The following SPEG variants were observed in gnomAD, a reference collection of about 807,000 sequenced individuals.
SPEG encodes the protein striated muscle enriched protein kinase, also known as striated muscle preferentially expressed protein kinase.
Under a neutral mutation model 300.4 loss-of-function variants are expected in SPEG, and 114 were observed. The ratio of observed to expected loss-of-function variants is 0.38; its 90% confidence interval spans 0.33 to 0.44. The LOEUF is 0.44. Among genes scored for constraint, SPEG ranks in the 20% least tolerant of loss-of-function variants. SPEG has a pLI of 1.00. For missense variants in SPEG, 4,201 were observed against 4,586.2 expected, an observed-to-expected ratio of 0.92 and a Z score of 2.43; for synonymous variants, 1,964 against 2,018.9, an observed-to-expected ratio of 0.97 and a Z score of 0.73.
rs1299910178 is a variant in SPEG at position 219,448,568 on chromosome 2, C to T, written c.1410C>T (p.Phe470=). ...GCGTGGCCGAGCGGCGCCGCCTGTT[C>T]CAGCAGAAAGCGGCCTCGCTGGACG... The part of the protein sequence containing the change: ...PGSVAERRRL[F]QQKAASLDER... Residue 470 remains phenylalanine (F), a synonymous_variant, in exon 4 of 41, where the codon TTC becomes TTT. Coordinates refer to ENST00000312358, the MANE Select transcript of SPEG (RefSeq NM_005876.5). 2 of 1,452,288 alleles carry T rather than the reference C, an allele frequency of 1.4e-6. No homozygotes were observed. The highest frequency in any genetic ancestry group is 2.7e-5 in the South Asian group (2 of 73,684). The allele number at this position is 1,452,288 out of a possible 1,614,324, so 90.0% of individuals were successfully genotyped here.
At chr2:219,449,398 G>A in intron 4 of SPEG, 127 bp downstream of exon 4, 1 of 730,094 alleles carries the variant, frequency 1.4e-6, no homozygotes, top group East Asian at 3.4e-5. Context: ...CAGCTGCAAG[G>A]GTGGGTTTGC....
intron 6 of SPEG, among the ~76,000 whole-genome samples, chr2:219,455,471 T>C (rs181338038): frequency 7.9e-5 from 12 of 152,300 alleles, no homozygotes; most frequent in Admixed American, 6.5e-4. Context: ...TAAATTTAAT[T>C]TCATTTTAAT....
chr2:219,484,077 C>T lies in SPEG; in HGVS notation c.6614C>T (p.Pro2205Leu). Residue 2205 changes from proline (P) to leucine (L), a missense_variant, in exon 30 of 41, where the codon CCC becomes CTC. Pro to Leu is a moderately conservative substitution (Grantham distance 98, BLOSUM62 -3). Coordinates refer to ENST00000312358, the MANE Select transcript of SPEG (RefSeq NM_005876.5). Reference protein sequence around the residue: ...SATTPSDAPQPPAPQPAQDKA... With the variant: ...SATTPSDAPQLPAPQPAQDKA... The stretch of plus-strand genomic sequence containing the variant: ...ACCACACCTAGTGATGCTCCGCAGC[C>T]CCCCGCACCCCAGCCTGCCCAAGAC... 6.2e-7 allele frequency: 1 copy of T among 1,613,718 alleles called. No homozygotes were observed. The highest frequency in any genetic ancestry group is 8.5e-7 in the Non-Finnish European group (1 of 1,179,960).
chr2:219,463,879 T>A (rs1690991643), intron 8 of SPEG, among the ~76,000 whole-genome samples: 2 of 152,018 alleles, frequency 1.3e-5, no homozygotes. Flanking sequence ...CCCAGCACTT[T>A]GGGAAGCCAA....
At chr2:219,462,687 G>A (rs529556167) in intron 8 of SPEG, among the ~76,000 whole-genome samples, 4 of 152,360 alleles carry the variant, frequency 2.6e-5, no homozygotes, top group East Asian at 1.9e-4. Flanking sequence ...GAGGTGAGGC[G>A]AATGGATCAC....
chr2:219,488,814 A>G lies in SPEG; in HGVS notation c.8063A>G (p.Gln2688Arg). The change falls in exon 34 of 41, where the codon CAG (glutamine) becomes CGG (arginine). Residue 2688 changes from glutamine (Q) to arginine (R), a missense_variant. Around this residue, in one of 4 missense-constraint regions of SPEG, gnomAD observed 1,578 missense variants for 1,506.0 expected, o/e 1.05. Coordinates refer to ENST00000312358, the MANE Select transcript of SPEG (RefSeq NM_005876.5). ...AAGCTAGCTCCTCCAGAGGTACCCC[A>G]GACCTACCAGGACACGGCGCTGGTG... Reference protein sequence around the residue: ...PGKLAPPEVPQTYQDTALVLW... With the variant: ...PGKLAPPEVPRTYQDTALVLW... 1 of 1,598,394 alleles carries G rather than the reference A, an allele frequency of 6.3e-7. No individual in the cohort carries two copies. The highest frequency in any genetic ancestry group is 8.5e-7 in the Non-Finnish European group (1 of 1,171,294).
chr2:219,475,075 G>A (rs1692222487), intron 18 of SPEG, among the ~76,000 whole-genome samples: 1 of 152,026 alleles, frequency 6.6e-6, no homozygotes, highest in Non-Finnish European at 1.5e-5. Flanking sequence ...GTGAGCCACC[G>A]CCTCGGGCCT....
chr2:219,477,457 T>G lies in SPEG; in HGVS notation c.4729+12T>G. The G allele has an allele frequency of 1.9e-6, 3 of 1,564,740 alleles. No homozygotes were observed. The highest frequency in any genetic ancestry group is 2.6e-6 in the Non-Finnish European group (3 of 1,153,848). On this transcript the variant is annotated intron_variant, in intron 20 of 40. Transcript: ENST00000312358. This position sits in a 1 kb window ranked among gnomAD's most constrained non-coding sequence, Gnocchi z 6.4. ...GGCTGTGCATTCAGGTAGGCAGGAG[T>G]TCCGGAGAAAGGTAAAGCGCACACC...
chr2:219,481,778 C>T lies in SPEG; in HGVS notation c.5565+98C>T, dbSNP rs979451750. 20 of 1,059,364 alleles carry T rather than the reference C, an allele frequency of 1.9e-5. No individual in the cohort carries two copies. Among genetic ancestry groups the T allele is most frequent in the Middle Eastern group, 2.0e-4 (1 of 5,036 alleles). The allele number at this position is 1,059,364 out of a possible 1,614,324, so 65.6% of individuals were successfully genotyped here. ...GAGTACCTACTGTGTGCAGTAACCA[C>T]GTTAGGCATTGTATGTACATATGAC... is the stretch of plus-strand genomic sequence containing the variant. On this transcript the variant is annotated intron_variant, in intron 28 of 40. Coordinates refer to ENST00000312358, the MANE Select transcript of SPEG (RefSeq NM_005876.5). The surrounding 1 kb of genome is among the most constrained non-coding windows in gnomAD (Gnocchi z 5.4).
rs1258911055 is a variant in SPEG at position 219,480,786 on chromosome 2, C to T, written c.5369+89C>T. On this transcript the variant is annotated intron_variant, in intron 26 of 40. Coordinates refer to ENST00000312358, the MANE Select transcript of SPEG (RefSeq NM_005876.5). This position sits in a 1 kb window ranked among gnomAD's most constrained non-coding sequence, Gnocchi z 5.3. ...CTGCAGCCCACCCCCTTCTCTTCCG[C>T]ACCCCCCACTCCTTCTTGCACTGCA... 11 of 1,226,300 alleles carry T rather than the reference C, an allele frequency of 9.0e-6. No homozygotes were observed. The highest frequency in any genetic ancestry group is 1.9e-4 in the Middle Eastern group (1 of 5,364). 76.0% of individuals were successfully genotyped at this position (1,226,300 alleles called of 1,614,324 possible). A position where few individuals can be genotyped will look rare whatever the true frequency, so the allele number is the denominator to read the frequency against.
Position 219,483,655 on chromosome 2 carries a change from C to T in SPEG, c.6192C>T (p.Ala2064=), listed in dbSNP as rs1470769321. 1 of 1,532,576 alleles carries T rather than the reference C, an allele frequency of 6.5e-7. No individual in the cohort carries two copies. Among genetic ancestry groups the T allele is most frequent in the Admixed American group, 1.9e-5 (1 of 51,450 alleles). 94.9% of individuals were successfully genotyped at this position (1,532,576 alleles called of 1,614,324 possible). Residue 2064 remains alanine, a synonymous_variant, in exon 30 of 41, where the codon GCC becomes GCT. Coordinates refer to ENST00000312358, the MANE Select transcript of SPEG (RefSeq NM_005876.5). ...ARGGLGEGEY[A]QRLQALRQRL... ...GAGGCCTGGGTGAGGGCGAGTATGC[C>T]CAGAGGCTGCAGGCCCTGCGCCAGC...
At chr2:219,450,559 C>T (rs917553140) in intron 4 of SPEG, 14 of 152,312 alleles carry the variant, frequency 9.2e-5, no homozygotes, top group African/African-American at 3.4e-4. Context: ...CCATACAGTA[C>T]TCAGTATGCC....
rs1689708114 is a variant in SPEG, at chr2:219,451,077, C to T, written c.2114-59C>T. 6.8e-7 allele frequency: 1 copy of T among 1,475,784 alleles called. No homozygotes were observed. Among genetic ancestry groups the T allele is most frequent in the Non-Finnish European group, 9.0e-7 (1 of 1,112,672 alleles). The allele number at this position is 1,475,784 out of a possible 1,614,324, so 91.4% of individuals were successfully genotyped here. On this transcript the variant is annotated intron_variant, in intron 4 of 40. Coordinates refer to ENST00000312358, the MANE Select transcript of SPEG (RefSeq NM_005876.5). This position sits in a 1 kb window ranked among gnomAD's most constrained non-coding sequence, Gnocchi z 6.4. Reference sequence around the variant, plus strand: ...GATGCAGGCCACCAGGACTCTCTCTCCCGCTGTCATCCCTGCAGGGATCAT... The same window carrying T: ...GATGCAGGCCACCAGGACTCTCTCTTCCGCTGTCATCCCTGCAGGGATCAT...
Position 219,477,132 on chromosome 2 carries a change from G to T in SPEG, c.4561-145G>T. 2 of 975,316 alleles carry T rather than the reference G, an allele frequency of 2.1e-6. No homozygotes were observed. The highest frequency in any genetic ancestry group is 3.3e-5 in the South Asian group (2 of 60,850). 60.4% of individuals were successfully genotyped at this position (975,316 alleles called of 1,614,324 possible). A position where few individuals can be genotyped will look rare whatever the true frequency, so the allele number is the denominator to read the frequency against. ...GCTGCAGAGGACTGACTAGCTGAGG[G>T]GTGCAGGGCTTTCTGTGGGAGATAA... is the stretch of plus-strand genomic sequence containing the variant. On this transcript the variant is annotated intron_variant, in intron 19 of 40. Transcript: ENST00000312358. The surrounding 1 kb of genome is among the most constrained non-coding windows in gnomAD (Gnocchi z 6.4).
intron 6 of SPEG, among the ~76,000 whole-genome samples, chr2:219,457,073 G>A (rs1454404915): frequency 6.6e-6 from 1 of 152,164 alleles, no homozygotes; most frequent in African/African-American, 2.4e-5. Flanking sequence ...ATTCATGTCA[G>A]CACCCTGTGG....
chr2:219,487,551 T>G (rs973088391), intron 31 of SPEG, among the ~76,000 whole-genome samples: 10 of 152,210 alleles, frequency 6.6e-5, no homozygotes, highest in Non-Finnish European at 1.5e-4. Flanking sequence ...AGATACTGTC[T>G]CTTGCCCCTT....
intron 13 of SPEG, among the ~76,000 whole-genome samples, chr2:219,471,495 G>A (rs1024925037): frequency 2.6e-5 from 4 of 152,112 alleles, no homozygotes; most frequent in Admixed American, 6.5e-5. Context: ...AGCTTTGTTC[G>A]AGTTTTGACA....
chr2:219,489,663 C>T lies in SPEG; in HGVS notation c.8645C>T (p.Pro2882Leu), dbSNP rs753956964. ...CCTTTCGTCCTTGACACTGGGACCC[C>T]GATCCCAGCCTCCACTCCTCAAGGG... ...PKPFVLDTGT[P>L]IPASTPQGVK... Residue 2882 changes from proline to leucine, a missense_variant, in exon 36 of 41, where the codon CCG becomes CTG. Transcript: ENST00000312358. 10 of 1,613,906 alleles carry T rather than the reference C, an allele frequency of 6.2e-6. No individual in the cohort carries two copies. Among genetic ancestry groups the T allele is most frequent in the Non-Finnish European group, 6.8e-6 (8 of 1,180,004 alleles).
In SPEG at chr2:219,473,685, C is replaced by T; in HGVS notation, c.4272-43C>T. ...TCTGGCCCAGCCTGGCCGGAATGCC[C>T]TGGGGCAAGATCTGGGTGACCTCCC... is the stretch of plus-strand genomic sequence containing the variant. On this transcript the variant is annotated intron_variant, in intron 17 of 40. Transcript: ENST00000312358. This position sits in a 1 kb window ranked among gnomAD's most constrained non-coding sequence, Gnocchi z 4.6. 6.2e-7 allele frequency: 1 copy of T among 1,613,352 alleles called. No homozygotes were observed. The highest frequency in any genetic ancestry group is 8.5e-7 in the Non-Finnish European group (1 of 1,179,480).
Sources: allele counts gnomAD v4.1 joint callset (sites outside exome capture counted in the v4.1 genomes callset), GRCh38; gene constraint gnomAD v4.1.1; regional missense constraint gnomAD v4.1.1; non-coding constraint Gnocchi (gnomAD v3.1); transcripts MANE v1.5; gene names NCBI Gene and HGNC (gene_info 2026-07-23, HGNC 2026-07-21).